The following MDGA2 variants were observed in gnomAD, a reference collection of about 807,000 sequenced individuals.
MDGA2 encodes the protein MAM domain containing glycosylphosphatidylinositol anchor 2, also known as MAM domain-containing glycosylphosphatidylinositol anchor protein 2.
Under a neutral mutation model 117.8 loss-of-function variants are expected in MDGA2, and 40 were observed. That is an observed-to-expected ratio of 0.34 (90% CI 0.26 to 0.44). MDGA2 has a LOEUF of 0.44. MDGA2 is among the 20% of genes least tolerant of loss of function. The probability of loss-of-function intolerance (pLI) is 1.00; values close to 1 mark genes in which losing one functional copy is unlikely to be tolerated. For synonymous variants in MDGA2, 452 were observed against 439.0 expected (o/e 1.03, Z -0.37); for missense variants, 1,123 against 1,250.6 (o/e 0.90, Z 1.54).
chr14:46,940,552 CG>C (rs1388598333), intron 9 of MDGA2, among the ~76,000 whole-genome samples: 2 of 148,894 alleles, frequency 1.3e-5, no homozygotes, highest in African/African-American at 2.5e-5. Context: ...TGCTCGAACC[CG>C]GGGGGTGGAG....
Position 47,334,084 on chromosome 14 carries a change from GATAT to G in MDGA2, c.281-32538_281-32535del, listed in dbSNP as rs556989933. Among the ~76,000 whole-genome samples the G allele has an allele frequency of 5.7e-4, 86 of 151,770 alleles. No homozygotes were observed. The South Asian group carries it at 6.6e-3, about 12-fold the overall frequency. The stretch of plus-strand genomic sequence containing the variant: ...TTAGGACTCATCACACTCAAAAGGT[GATAT>G]ATAGAATATTTGAAATCTTCAAATG... On this transcript the variant is annotated intron_variant, in intron 1 of 16. Coordinates refer to ENST00000399232, the MANE Select transcript of MDGA2 (RefSeq NM_001113498.3).
intron 6 of MDGA2, among the ~76,000 whole-genome samples, chr14:47,079,641 T>C (rs959272661): frequency 1.8e-4 from 28 of 152,140 alleles, no homozygotes; most frequent in African/African-American, 6.7e-4. Context: ...AGTAGTTATG[T>C]GGTAATAAGT....
intron 14 of MDGA2, among the ~76,000 whole-genome samples, chr14:46,856,841 CTT>C (rs1190685692): frequency 6.6e-6 from 1 of 151,868 alleles, no homozygotes; most frequent in Admixed American, 6.6e-5. Flanking sequence ...ACTGACTTAA[CTT>C]TATCTCCTTT....
rs868653403 is a variant in MDGA2 at position 47,424,148 on chromosome 14, C to T, written c.281-122598G>A. On this transcript the variant is annotated intron_variant, in intron 1 of 16. Transcript: ENST00000399232. Reference sequence around the variant, plus strand: ...TTTAATTTTTAAGAGCAGCTGGGCACGGTAGCTCACACCTATAATCCCAGC... The same window carrying T: ...TTTAATTTTTAAGAGCAGCTGGGCATGGTAGCTCACACCTATAATCCCAGC... Among the ~76,000 whole-genome samples the T allele has an allele frequency of 3.3e-5, 5 of 152,122 alleles. No homozygotes were observed. The South Asian group carries it at 1.0e-3, about 31-fold the overall frequency.
intron 6 of MDGA2, among the ~76,000 whole-genome samples, chr14:47,074,142 GCAA>G (rs577456112): frequency 3.4e-3 from 145 of 43,198 alleles, no homozygotes; most frequent in Middle Eastern, 0.015. Flanking sequence ...TTAAAACAAA[GCAA>G]CAACAACTAA....
intron 1 of MDGA2, among the ~76,000 whole-genome samples, chr14:47,340,935 T>G (rs1048655627): frequency 6.6e-6 from 1 of 152,210 alleles, no homozygotes; most frequent in Admixed American, 6.5e-5. Context: ...GTTTCTGTGA[T>G]TTTAGACCCA....
chr14:47,610,579 C>CA (rs751403624), intron 1 of MDGA2, among the ~76,000 whole-genome samples: 3 of 148,480 alleles, frequency 2.0e-5, no homozygotes, highest in Non-Finnish European at 4.5e-5. Flanking sequence ...AACAAACAAA[C>CA]AACAACAACA....
At position 47,345,327 on chromosome 14, in the gene MDGA2, A is replaced by G. The variant is rs546919075; in HGVS notation, c.281-43777T>C. 4.6e-5 allele frequency among the ~76,000 whole-genome samples: 7 copies of G among 152,272 alleles called. No homozygotes were observed. In the South Asian group the frequency reaches 1.4e-3, roughly 32 times the overall value. On this transcript the variant is annotated intron_variant, in intron 1 of 16. Coordinates refer to ENST00000399232, the MANE Select transcript of MDGA2 (RefSeq NM_001113498.3). ...TTATAATAAAATATACTTCCCACAC[A>G]TGCTATAAATAGGAAGGTAAGAATT...
intron 14 of MDGA2, among the ~76,000 whole-genome samples, chr14:46,866,640 C>G (rs1292090938): frequency 2.0e-5 from 3 of 151,360 alleles, no homozygotes; most frequent in Non-Finnish European, 4.4e-5. Context: ...GCAACCTACT[C>G]ATCTGACAAA....
chr14:46,898,532 GAT>G (rs1295344240), intron 10 of MDGA2, among the ~76,000 whole-genome samples: 1 of 152,066 alleles, frequency 6.6e-6, no homozygotes, highest in Non-Finnish European at 1.5e-5. Flanking sequence ...AGGCCACTGA[GAT>G]ATCCAAGTAC....
intron 1 of MDGA2, among the ~76,000 whole-genome samples, chr14:47,669,089 A>G (rs1898028731): frequency 6.6e-6 from 1 of 152,220 alleles, no homozygotes; most frequent in South Asian, 2.1e-4. Flanking sequence ...CATCCCCATG[A>G]GTCCTACTGC....
intron 1 of MDGA2, among the ~76,000 whole-genome samples, chr14:47,405,115 A>G (rs1269195499): frequency 6.6e-6 from 1 of 152,248 alleles, no homozygotes; most frequent in Non-Finnish European, 1.5e-5. Context: ...TCTAATAAAT[A>G]TATGCATTAT....
chr14:47,061,641 T>G, intron 6 of MDGA2, 63 bp from the exon 7 acceptor site: 1 of 1,299,546 alleles, frequency 7.7e-7, no homozygotes, highest in Non-Finnish European at 1.1e-6. Context: ...ATTCATTAAC[T>G]GTAGATAATC....
At chr14:46,962,451 T>C (rs1238301102) in intron 8 of MDGA2, among the ~76,000 whole-genome samples, 3 of 152,174 alleles carry the variant, frequency 2.0e-5, no homozygotes, top group African/African-American at 7.2e-5. Context: ...GTGAATATTC[T>C]GGGTTTGAAG....
rs1039701055 is a variant in MDGA2, at chr14:47,205,176, C to A, written c.595+12845G>T. Among the ~76,000 whole-genome samples, 6 of 151,730 alleles carry A rather than the reference C, an allele frequency of 4.0e-5. 1 individual carries two copies. The highest frequency in any genetic ancestry group is 8.8e-5 in the Non-Finnish European group (6 of 67,862). On this transcript the variant is annotated intron_variant, in intron 3 of 16. Coordinates refer to ENST00000399232, the MANE Select transcript of MDGA2 (RefSeq NM_001113498.3). ...TGCATATGTATGCATATATATGTAG[C>A]CCCATTCTCCCTGTCAGAAAAATAT...
chr14:47,522,353 A>ATGTATACATG (rs1555329328), intron 1 of MDGA2, among the ~76,000 whole-genome samples: 5 of 147,146 alleles, frequency 3.4e-5, no homozygotes, highest in Non-Finnish European at 7.5e-5. Flanking sequence ...ATGTATATAT[A>ATGTATACATG]TGTATATATG....
At chr14:46,886,824 T>G (rs1882694675) in intron 10 of MDGA2, among the ~76,000 whole-genome samples, 2 of 152,050 alleles carry the variant, frequency 1.3e-5, no homozygotes, top group Admixed American at 1.3e-4. Context: ...TTATTTTCTT[T>G]TCCTGTGTTC....
chr14:47,213,455 T>C (rs1245146500), intron 3 of MDGA2, among the ~76,000 whole-genome samples: 3 of 152,180 alleles, frequency 2.0e-5, no homozygotes, highest in Non-Finnish European at 4.4e-5. Flanking sequence ...GATCCAGTGG[T>C]AGCTTTATAA....
chr14:47,624,631 C>A (rs1286447727), intron 1 of MDGA2, among the ~76,000 whole-genome samples: 3 of 152,004 alleles, frequency 2.0e-5, no homozygotes, highest in Admixed American at 6.6e-5. Context: ...TTTTTTTAAG[C>A]TCCAGGCTGT....
Sources: allele counts gnomAD v4.1 joint callset (sites outside exome capture counted in the v4.1 genomes callset), GRCh38; gene constraint gnomAD v4.1.1; transcripts MANE v1.5; gene names NCBI Gene and HGNC (gene_info 2026-07-23, HGNC 2026-07-21).